Variants in ZRANB2 observed in about 807,000 individuals in gnomAD.
ZRANB2 encodes the protein zinc finger RANBP2-type containing 2, also known as zinc finger Ran-binding domain-containing protein 2.
ZRANB2 carries 19 observed loss-of-function variants against 53.4 expected under a neutral mutation model. The observed-to-expected ratio is 0.36, with a 90% confidence interval of 0.25 to 0.52. The LOEUF (loss-of-function observed/expected upper bound fraction) is 0.52. Ranked by LOEUF, ZRANB2 falls within the 20% of genes least tolerant of loss-of-function variation. ZRANB2 has a pLI of 0.93. For missense variants in ZRANB2, 309 were observed against 401.1 expected (o/e 0.77, Z 1.96); for synonymous variants, 145 against 134.8 (o/e 1.08, Z -0.52).
chr1:71,068,747 G>C (rs565448135), intron 8 of ZRANB2, among the ~76,000 whole-genome samples: 4 of 151,540 alleles, frequency 2.6e-5, no homozygotes, highest in Admixed American at 2.6e-4. Context: ...TAATAATGAA[G>C]AAAATTTTTC....
chr1:71,073,345 C>G (rs1015159303), intron 4 of ZRANB2, among the ~76,000 whole-genome samples: 3 of 151,784 alleles, frequency 2.0e-5, no homozygotes, highest in Admixed American at 6.6e-5. Context: ...ATGTGTTGAT[C>G]AAGAGTAATA....
intron 3 of ZRANB2, among the ~76,000 whole-genome samples, chr1:71,077,933 G>A (rs1283748934): frequency 1.3e-5 from 2 of 152,014 alleles, no homozygotes; most frequent in Non-Finnish European, 2.9e-5. Context: ...CATACACATA[G>A]GATTCATCTG....
intron 4 of ZRANB2, among the ~76,000 whole-genome samples, chr1:71,075,914 G>A (rs1396198302): frequency 6.6e-6 from 1 of 151,340 alleles, no homozygotes; most frequent in Non-Finnish European, 1.5e-5. Context: ...AGGGGTGGGG[G>A]GGGATAAAAG....
chr1:71,077,906 T>C (rs1661744314), intron 3 of ZRANB2, among the ~76,000 whole-genome samples: 1 of 152,196 alleles, frequency 6.6e-6, no homozygotes, highest in African/African-American at 2.4e-5. Context: ...TAATACTTTT[T>C]TGATTTAGAC....
At chr1:71,075,830 G>T (rs1661696779) in intron 4 of ZRANB2, among the ~76,000 whole-genome samples, 1 of 151,506 alleles carries the variant, frequency 6.6e-6, no homozygotes, top group Non-Finnish European at 1.5e-5. Flanking sequence ...GAAAGTGGCG[G>T]TTGGGCTGGG....
chr1:71,070,027 C>G (rs1451149094), intron 7 of ZRANB2, among the ~76,000 whole-genome samples: 3 of 152,038 alleles, frequency 2.0e-5, no homozygotes, highest in Non-Finnish European at 4.4e-5. Flanking sequence ...CAAAAAATTA[C>G]TAGTTATAGC....
At chr1:71,066,527 AT>A in intron 9 of ZRANB2, 1 of 337,500 alleles carries the variant, frequency 3.0e-6, no homozygotes, top group Non-Finnish European at 5.3e-6. Flanking sequence ...AGAGTTGGCT[AT>A]AAAAATTATA....
rs1379866750 is a variant in ZRANB2, at chr1:71,064,129, AGAAGAAAATT to A, written c.*935_*944del. ...AGCAATAAGCATTCATTTGTTATTC[AGAAGAAAATT>A]GTATGCAGTGTGTTTATAGTTAACA... On this transcript the variant is annotated 3_prime_UTR_variant, in exon 10 of 10. Transcript: ENST00000370920. 1.0e-4 allele frequency: 16 copies of A among 152,584 alleles called. No individual in the cohort carries two copies. Among genetic ancestry groups the A allele is most frequent in the African/African-American group, 3.8e-4 (16 of 41,586 alleles). The allele number at this position is 152,584 out of a possible 1,614,324, so 9.5% of individuals were successfully genotyped here.
intron 3 of ZRANB2, among the ~76,000 whole-genome samples, chr1:71,078,243 T>A (rs1393398557): frequency 6.6e-6 from 1 of 152,162 alleles, no homozygotes; most frequent in African/African-American, 2.4e-5. Context: ...GTATACATAA[T>A]CCATCATAGT....
At chr1:71,073,071 G>T (rs945873097) in intron 4 of ZRANB2, among the ~76,000 whole-genome samples, 2 of 152,020 alleles carry the variant, frequency 1.3e-5, no homozygotes, top group Non-Finnish European at 2.9e-5. Context: ...CTTTGGCCCT[G>T]GTTTAATTGG....
In ZRANB2 at chr1:71,069,281, T is replaced by C. The variant is rs1661541618; in HGVS notation, c.765A>G (p.Lys255=). Residue 255 remains lysine (K), a synonymous_variant, in exon 8 of 10, where the codon AAA becomes AAG. Transcript: ENST00000370920. ...AGAGATGCTACCTCATTCACCTTGATTTCGACCCACGAGATCTCGAACGTT... is the reference window on the plus strand; with the variant it reads ...AGAGATGCTACCTCATTCACCTTGACTTCGACCCACGAGATCTCGAACGTT... ...SRERSRSRGS[K]SRSSSRSHRG... is the part of the protein sequence containing the mutation. The C allele has an allele frequency of 6.2e-7, 1 of 1,611,438 alleles. No individual in the cohort carries two copies. Among genetic ancestry groups the C allele is most frequent in the Non-Finnish European group, 8.5e-7 (1 of 1,178,484 alleles).
intron 9 of ZRANB2, chr1:71,065,603 A>G: frequency 6.7e-7 from 1 of 1,496,826 alleles, no homozygotes. Context: ...TTGGAAATCT[A>G]GGTCACACAA....
intron 4 of ZRANB2, among the ~76,000 whole-genome samples, chr1:71,076,534 G>A (rs988009805): frequency 1.3e-5 from 2 of 152,180 alleles, no homozygotes; most frequent in African/African-American, 4.8e-5. Flanking sequence ...CAGTGAAAGG[G>A]AGAGGAGGAG....
Position 71,066,861 on chromosome 1 carries a change from C to G in ZRANB2, c.844G>C (p.Glu282Gln), listed in dbSNP as rs1557789418. Residue 282 changes from glutamate (E) to glutamine (Q), a missense_variant, in exon 9 of 10, where the codon GAG (glutamate) becomes CAG (glutamine). Glu to Gln is a conservative substitution (Grantham distance 29). Coordinates refer to ENST00000370920, the MANE Select transcript of ZRANB2 (RefSeq NM_203350.3). ...GAACGACTTCTCTTTCTGTTCCTCT[C>G]AGGAGAAGATGATGAACTTGAATAA... Reference protein sequence around the residue: ...RSYSSSSSSPERNRKRSRSRS... With the variant: ...RSYSSSSSSPQRNRKRSRSRS... 6.2e-7 allele frequency: 1 copy of G among 1,612,338 alleles called. No individual in the cohort carries two copies. The highest frequency in any genetic ancestry group is 1.1e-5 in the South Asian group (1 of 90,266).
chr1:71,074,517 A>C (rs1291805936), intron 4 of ZRANB2, among the ~76,000 whole-genome samples: 1 of 152,134 alleles, frequency 6.6e-6, no homozygotes, highest in Non-Finnish European at 1.5e-5. Context: ...AGGAAGAACT[A>C]AGGCACTAAC....
chr1:71,065,660 G>T, intron 9 of ZRANB2: 1 of 1,605,648 alleles, frequency 6.2e-7, no homozygotes, highest in Non-Finnish European at 8.5e-7. Flanking sequence ...CAGCTAGTAT[G>T]AATAAGTCAA....
chr1:71,073,497 A>G (rs1322484412), intron 4 of ZRANB2, among the ~76,000 whole-genome samples: 1 of 151,852 alleles, frequency 6.6e-6, no homozygotes, highest in Non-Finnish European at 1.5e-5. Flanking sequence ...TTGTAACTTA[A>G]AATTTGCCTA....
chr1:71,072,783 A>G (rs1347077735), intron 4 of ZRANB2, among the ~76,000 whole-genome samples: 2 of 152,232 alleles, frequency 1.3e-5, no homozygotes, highest in South Asian at 2.1e-4. Flanking sequence ...ATTGCCCTAC[A>G]TGACTTATTT....
intron 3 of ZRANB2, among the ~76,000 whole-genome samples, chr1:71,078,029 ATTAGAC>A (rs1281978588): frequency 6.6e-6 from 1 of 152,218 alleles, no homozygotes; most frequent in African/African-American, 2.4e-5. Context: ...CCTACCTATA[ATTAGAC>A]TTAATTACTT....
Sources: gnomAD v4.1 joint callset for allele counts (sites outside exome capture counted in the v4.1 genomes callset) on GRCh38, gnomAD v4.1.1 for gene constraint, MANE v1.5 for transcripts, NCBI Gene and HGNC (gene_info 2026-07-23, HGNC 2026-07-21) for gene names.